The following NUP210 variants were observed in gnomAD, a reference collection of about 807,000 sequenced individuals.
NUP210 encodes nucleoporin 210.
Under a neutral mutation model 196.0 loss-of-function variants are expected in NUP210, and 151 were observed. The ratio of observed to expected loss-of-function variants is 0.77; its 90% CI spans 0.67 to 0.88. The LOEUF (loss-of-function observed/expected upper bound fraction) is 0.88, where lower values mean the gene tolerates loss of function less well. Ranked by LOEUF, NUP210 falls within the 40% of genes least tolerant of loss-of-function variation. The pLI is 0.00. For synonymous variants in NUP210, 1,070 were observed against 1,052.7 expected (o/e 1.02, Z -0.32); for missense variants, 2,314 against 2,493.7 (o/e 0.93, Z 1.53).
In NUP210 at chr3:13,352,133, C is replaced by T. The variant is rs772316086; in HGVS notation, c.2680G>A (p.Asp894Asn). Reference protein sequence around the residue: ...SASIELILVEDVRVSPEEVTI... With the variant: ...SASIELILVENVRVSPEEVTI... ...ACCTCTTCTGGGCTCACCCTCACGT[C>T]CTCCACCAGGATGAGCTCTATGGAG... is the stretch of plus-strand genomic sequence containing the variant. The change falls in exon 19 of 40, where the codon GAC becomes AAC. Residue 894 changes from aspartate (D) to asparagine (N), a missense_variant. Transcript: ENST00000254508. 3 of 1,613,980 alleles carry T rather than the reference C, an allele frequency of 1.9e-6. No individual in the cohort carries two copies.
At chr3:13,388,671 C>T (rs571546214) in intron 4 of NUP210, among the ~76,000 whole-genome samples, 1 of 152,340 alleles carries the variant, frequency 6.6e-6, no homozygotes, top group African/African-American at 2.4e-5. Context: ...ATACTTGGCC[C>T]CTGGCCCAGG....
chr3:13,406,753 C>T (rs1428089073), intron 1 of NUP210, among the ~76,000 whole-genome samples: 1 of 152,200 alleles, frequency 6.6e-6, no homozygotes, highest in Admixed American at 6.5e-5. Context: ...GTCCTCTTAC[C>T]TGCACACCTG....
At position 13,321,658 on chromosome 3, in the gene NUP210, A is replaced by T. The variant is rs1696533039; in HGVS notation, c.5093T>A (p.Ile1698Asn). ...SPGLFADQAE[I>N]LLSNHYTSSE... ...ACTGGTGTAGTGGTTGCTCAAAAGG[A>T]TTTCAGCCTGGTCGGCGAAGAGACC... The change falls in exon 36 of 40, where the codon ATC becomes AAC. Residue 1698 changes from isoleucine to asparagine, a missense_variant. Transcript: ENST00000254508. 2 of 1,613,838 alleles carry T rather than the reference A, an allele frequency of 1.2e-6. No individual in the cohort carries two copies. Among genetic ancestry groups the T allele is most frequent in the Non-Finnish European group, 1.7e-6 (2 of 1,180,020 alleles).
chr3:13,365,982 A>T lies in NUP210; in HGVS notation c.1896T>A (p.Ser632Arg). 6.2e-7 allele frequency: 1 copy of T among 1,614,148 alleles called. No homozygotes were observed. The highest frequency in any genetic ancestry group is 8.5e-7 in the Non-Finnish European group (1 of 1,179,998). ...GGTAGGCAGCAATGGTGATCTTGGC[A>T]CTCAGGTGGACGTGGCCGTGTCTGT... The part of the protein sequence containing the change: ...VSYRHGHVHL[S>R]AKITIAAYLP... The change falls in exon 14 of 40, where the codon AGT becomes AGA. Residue 632 changes from serine to arginine, a missense_variant. Ser to Arg is a moderately radical substitution (Grantham distance 110). Coordinates refer to ENST00000254508, the MANE Select transcript of NUP210 (RefSeq NM_024923.4).
intron 31 of NUP210, 91 bp from the exon 32 acceptor site, chr3:13,327,528 G>T: frequency 1.0e-6 from 1 of 977,940 alleles, no homozygotes; most frequent in Non-Finnish European, 1.5e-6. Flanking sequence ...CCTCTGCTGA[G>T]CAAAGCATTC....
intron 8 of NUP210, 47 bp downstream of exon 8, chr3:13,378,865 G>T: frequency 1.5e-6 from 2 of 1,371,332 alleles, no homozygotes; most frequent in Non-Finnish European, 2.1e-6. Flanking sequence ...AACTCATATA[G>T]TCACAACTGA....
intron 11 of NUP210, 116 bp from the exon 12 acceptor site, chr3:13,373,989 C>T: frequency 8.1e-7 from 1 of 1,227,912 alleles, no homozygotes; most frequent in Non-Finnish European, 1.1e-6. Flanking sequence ...CACATTTATC[C>T]TCACACTCAT....
chr3:13,316,510 G>A lies in NUP210; in HGVS notation c.*1171C>T, dbSNP rs557682786. 28 of 152,450 alleles carry A rather than the reference G, an allele frequency of 1.8e-4. No homozygotes were observed. The highest frequency in any genetic ancestry group is 6.7e-4 in the African/African-American group (28 of 41,592). The allele number at this position is 152,450 out of a possible 1,614,324, so 9.4% of individuals were successfully genotyped here. On this transcript the variant is annotated 3_prime_UTR_variant, in exon 40 of 40. Transcript: ENST00000254508. ...TAGCCCAGCCTCGGCCTGGAGCACAGGGGCCTGTGATCTGAGAATCTCAGA... is the reference window on the plus strand; with the variant it reads ...TAGCCCAGCCTCGGCCTGGAGCACAAGGGCCTGTGATCTGAGAATCTCAGA...
chr3:13,319,508 G>A (rs1384688088), intron 37 of NUP210, among the ~76,000 whole-genome samples, 183 bp from the exon 38 acceptor site: 1 of 148,352 alleles, frequency 6.7e-6, no homozygotes, highest in Non-Finnish European at 1.5e-5. Context: ...TTGGTACCCT[G>A]GCACTTCTTC....
intron 6 of NUP210, among the ~76,000 whole-genome samples, chr3:13,383,916 C>T (rs13062319): frequency 0.2 from 30,415 of 152,072 alleles, 3,817 homozygotes; most frequent in Non-Finnish European, 0.29. Context: ...CCATGAGTCC[C>T]ATGCAAATGG....
chr3:13,349,179 G>A (rs966070046), intron 20 of NUP210, among the ~76,000 whole-genome samples: 2 of 152,194 alleles, frequency 1.3e-5, no homozygotes, highest in African/African-American at 4.8e-5. Context: ...GGCCTGTGGT[G>A]CGTGAAATAA....
intron 36 of NUP210, among the ~76,000 whole-genome samples, chr3:13,321,339 C>T (rs1696519949): frequency 6.6e-6 from 1 of 152,248 alleles, no homozygotes; most frequent in Non-Finnish European, 1.5e-5. Flanking sequence ...CTGCTGCCCC[C>T]ACAAGCTTAA....
At chr3:13,321,982 A>C in intron 35 of NUP210, 147 bp from the exon 36 acceptor site, 1 of 1,255,238 alleles carries the variant, frequency 8.0e-7, no homozygotes, top group Non-Finnish European at 1.1e-6. Context: ...CCTCCTGGGA[A>C]TCCCCTATAA....
chr3:13,352,757 C>T (rs1455953509), intron 18 of NUP210, among the ~76,000 whole-genome samples: 1 of 152,122 alleles, frequency 6.6e-6, no homozygotes, highest in African/African-American at 2.4e-5. Flanking sequence ...GCAGCAACTG[C>T]CGGCAGGGAG....
chr3:13,327,043 G>GGT, intron 32 of NUP210, among the ~76,000 whole-genome samples, 174 bp downstream of exon 32: 1 of 152,236 alleles, frequency 6.6e-6, no homozygotes, highest in Admixed American at 6.5e-5. Context: ...GCAGAAAACA[G>GGT]GCACAGGCTG....
At chr3:13,336,946 G>A (rs747915486) in intron 26 of NUP210, 28 bp from the exon 27 acceptor site, 3 of 1,611,668 alleles carry the variant, frequency 1.9e-6, no homozygotes, top group Non-Finnish European at 1.7e-6. Flanking sequence ...GGCCCAGTGA[G>A]CAGTAGCTCC....
Position 13,338,336 on chromosome 3 carries a change from T to A in NUP210, c.3472-419A>T, listed in dbSNP as rs138077114. Among the ~76,000 whole-genome samples, 8 of 152,326 alleles carry A rather than the reference T, an allele frequency of 5.3e-5. No homozygotes were observed. The East Asian group carries it at 1.5e-3, about 29-fold the overall frequency. ...GGTACAGGGACGAATGCAGGAGCCC[T>A]GTAGAGTCTGATCAGAACTTATAAC... On this transcript the variant is annotated intron_variant, in intron 25 of 39. Transcript: ENST00000254508.
At position 13,350,858 on chromosome 3, in the gene NUP210, A is replaced by G. The variant is rs1697947978; in HGVS notation, c.2835+1021T>C. On this transcript the variant is annotated intron_variant, in intron 20 of 39. Coordinates refer to ENST00000254508, the MANE Select transcript of NUP210 (RefSeq NM_024923.4). This position sits in a 1 kb window ranked among gnomAD's most constrained non-coding sequence, Gnocchi z 4.1. ...CAGGCGCCCGCCACTACGCCTGGCT[A>G]ATTTTTTTTTTTTGTATATTTAGTA... is the stretch of plus-strand genomic sequence containing the variant. 1.3e-5 allele frequency among the ~76,000 whole-genome samples: 2 copies of G among 151,506 alleles called. 1 individual carries two copies. The highest frequency in any genetic ancestry group is 4.2e-4 in the South Asian group (2 of 4,794).
chr3:13,359,346 G>A (rs1411058168), intron 15 of NUP210, among the ~76,000 whole-genome samples: 2 of 152,122 alleles, frequency 1.3e-5, no homozygotes, highest in African/African-American at 4.8e-5. Flanking sequence ...TCTTCTTATT[G>A]TATTATTTAT....
Sources: gnomAD v4.1 joint callset for allele counts (sites outside exome capture counted in the v4.1 genomes callset) on GRCh38, gnomAD v4.1.1 for gene constraint, Gnocchi (gnomAD v3.1) non-coding constraint, MANE v1.5 for transcripts, NCBI Gene and HGNC (gene_info 2026-07-23, HGNC 2026-07-21) for gene names.